Variants in GRM8 observed in about 807,000 individuals in gnomAD.
GRM8 encodes glutamate metabotropic receptor 8.
GRM8 carries 47 observed loss-of-function variants against 87.2 expected under a neutral mutation model. That is an observed-to-expected ratio of 0.54 (90% confidence interval 0.43 to 0.69). GRM8 has a LOEUF of 0.69. Ranked by LOEUF, GRM8 falls within the 30% of genes least tolerant of loss-of-function variation. The pLI is 0.00. For missense variants in GRM8, 1,019 were observed against 1,139.2 expected (o/e 0.89, Z 1.52); for synonymous variants, 396 against 404.5 (o/e 0.98, Z 0.25).
At chr7:126,896,963 T>C (rs1801603595) in intron 6 of GRM8, among the ~76,000 whole-genome samples, 2 of 152,160 alleles carry the variant, frequency 1.3e-5, no homozygotes, top group Non-Finnish European at 2.9e-5. Flanking sequence ...TTTGTCTCTC[T>C]ATCTGAAGCA....
At chr7:126,529,923 T>C (rs930244389) in intron 9 of GRM8, among the ~76,000 whole-genome samples, 3 of 152,206 alleles carry the variant, frequency 2.0e-5, no homozygotes, top group African/African-American at 7.2e-5. Context: ...CAAAGGTGCA[T>C]TTATACCATA....
intron 2 of GRM8, among the ~76,000 whole-genome samples, chr7:127,116,716 T>A (rs978835138): frequency 6.6e-6 from 1 of 152,198 alleles, no homozygotes; most frequent in Non-Finnish European, 1.5e-5. Context: ...TCACTTGAGA[T>A]CTCCTTCAGA....
In GRM8 at chr7:127,243,132, G is replaced by C. The variant is rs765525188; in HGVS notation, c.73C>G (p.Leu25Val). The C allele has an allele frequency of 2.5e-6, 4 of 1,613,634 alleles. No homozygotes were observed. The African/African-American group carries it at 4.0e-5, about 16-fold the overall frequency. The stretch of plus-strand genomic sequence containing the variant: ...CTGTGAGTTCTTTGCATCATTGTGA[G>C]GATCCAGTAGAACTTGGCGGTCAAG... ...FLLTAKFYWI[L>V]TMMQRTHSQE... The change falls in exon 2 of 11, where the codon CTC becomes GTC. Residue 25 changes from leucine (L) to valine (V), a missense_variant. By Grantham distance (32) the Leu-to-Val change is conservative (BLOSUM62 1). Coordinates refer to ENST00000339582, the MANE Select transcript of GRM8 (RefSeq NM_000845.3).
intron 7 of GRM8, among the ~76,000 whole-genome samples, chr7:126,667,352 T>G (rs1805881321): frequency 6.6e-6 from 1 of 152,208 alleles, no homozygotes. Flanking sequence ...AAAGCTTAAT[T>G]GGGGTGTCAC....
intron 3 of GRM8, among the ~76,000 whole-genome samples, chr7:126,942,216 C>G (rs1476920027): frequency 6.6e-6 from 1 of 152,186 alleles, no homozygotes; most frequent in South Asian, 2.1e-4. Flanking sequence ...ATATTGAGAA[C>G]GTACCTATTT....
chr7:126,931,895 C>T (rs2131448252), intron 3 of GRM8, among the ~76,000 whole-genome samples: 1 of 152,332 alleles, frequency 6.6e-6, no homozygotes, highest in Admixed American at 6.5e-5. Context: ...GCTTTGAGAG[C>T]ATCACACAGC....
intron 8 of GRM8, among the ~76,000 whole-genome samples, chr7:126,592,442 G>A (rs925080164): frequency 1.3e-5 from 2 of 151,876 alleles, no homozygotes; most frequent in African/African-American, 4.8e-5. Context: ...ATTATCAAAT[G>A]GGATTCATCT....
At chr7:127,179,318 A>G (rs528522848) in intron 2 of GRM8, among the ~76,000 whole-genome samples, 9 of 152,284 alleles carry the variant, frequency 5.9e-5, no homozygotes, top group African/African-American at 2.2e-4. Context: ...TCCTAAACAT[A>G]TATGCACCTA....
intron 6 of GRM8, among the ~76,000 whole-genome samples, chr7:126,825,985 C>T (rs545719016): frequency 6.6e-6 from 1 of 151,818 alleles, no homozygotes; most frequent in African/African-American, 2.4e-5. Flanking sequence ...GTTTTTTGTC[C>T]TTGCGATAGT....
At chr7:126,911,003 T>C (rs1239222648) in intron 3 of GRM8, among the ~76,000 whole-genome samples, 1 of 152,168 alleles carries the variant, frequency 6.6e-6, no homozygotes, top group Non-Finnish European at 1.5e-5. Flanking sequence ...AATCCAATTA[T>C]AAAGGGTAAA....
chr7:126,752,933 G>A (rs1816589825), intron 7 of GRM8, among the ~76,000 whole-genome samples: 1 of 152,032 alleles, frequency 6.6e-6, no homozygotes, highest in Admixed American at 6.6e-5. Flanking sequence ...TTAAGTATAT[G>A]TGTTACTAAA....
intron 2 of GRM8, among the ~76,000 whole-genome samples, chr7:127,215,446 C>T (rs566726807): frequency 1.3e-5 from 2 of 152,162 alleles, no homozygotes; most frequent in East Asian, 3.9e-4. Flanking sequence ...GTTCCGTTGA[C>T]CTTGTAACAG....
At position 126,556,458 on chromosome 7, in the gene GRM8, C is replaced by T. The variant is rs1174212641; in HGVS notation, c.1495-22571G>A. On this transcript the variant is annotated intron_variant, in intron 8 of 10. Coordinates refer to ENST00000339582, the MANE Select transcript of GRM8 (RefSeq NM_000845.3). ...GGTCAGGAGTTCAAGACCAGCCTGG[C>T]CAACATGGTGAAACCCCGTCTCTAC... 4.0e-5 allele frequency among the ~76,000 whole-genome samples: 6 copies of T among 151,648 alleles called. No individual in the cohort carries two copies. In the South Asian group the frequency reaches 1.0e-3, roughly 26 times the overall value.
At chr7:127,059,217 A>G (rs1021626650) in intron 3 of GRM8, among the ~76,000 whole-genome samples, 1 of 152,192 alleles carries the variant, frequency 6.6e-6, no homozygotes, top group African/African-American at 2.4e-5. Context: ...TCCACATTCA[A>G]ATGCAAGAAT....
At chr7:126,752,862 T>TCTC (rs1816583673) in intron 7 of GRM8, among the ~76,000 whole-genome samples, 1 of 152,094 alleles carries the variant, frequency 6.6e-6, no homozygotes, top group African/African-American at 2.4e-5. Flanking sequence ...TTAGTCCCAC[T>TCTC]CTCCTCCTCT....
At chr7:126,738,671 G>C (rs989517432) in intron 7 of GRM8, among the ~76,000 whole-genome samples, 9 of 144,398 alleles carry the variant, frequency 6.2e-5, no homozygotes, top group Admixed American at 5.6e-4. Flanking sequence ...GAAGCCATAG[G>C]AGTGGTCAAG....
At chr7:127,119,937 T>C (rs1423616827) in intron 2 of GRM8, among the ~76,000 whole-genome samples, 3 of 152,188 alleles carry the variant, frequency 2.0e-5, no homozygotes, top group African/African-American at 4.8e-5. Context: ...TCCAAACCTA[T>C]AAATGCAGTC....
intron 6 of GRM8, among the ~76,000 whole-genome samples, chr7:126,897,216 C>T (rs1343315533): frequency 6.6e-6 from 1 of 152,108 alleles, no homozygotes; most frequent in Non-Finnish European, 1.5e-5. Context: ...GCAGCTTAAC[C>T]CACATACTCA....
intron 7 of GRM8, among the ~76,000 whole-genome samples, chr7:126,727,194 A>G (rs1436811034): frequency 2.0e-5 from 3 of 151,936 alleles, no homozygotes; most frequent in Non-Finnish European, 4.4e-5. Flanking sequence ...ATATCAATAT[A>G]TAGGTTCAAC....
Sources: allele counts gnomAD v4.1 joint callset (sites outside exome capture counted in the v4.1 genomes callset), GRCh38; gene constraint gnomAD v4.1.1; transcripts MANE v1.5; gene names NCBI Gene and HGNC (gene_info 2026-07-23, HGNC 2026-07-21).